The following PDLIM5 variants were observed in gnomAD, a reference collection of about 807,000 sequenced individuals.
PDLIM5 encodes the protein PDZ and LIM domain 5.
In PDLIM5, 34 loss-of-function variants were observed where a neutral mutation model predicts 64.2. The ratio of observed to expected loss-of-function variants is 0.53; its 90% CI spans 0.40 to 0.71. PDLIM5 has a LOEUF of 0.71. Ranked by LOEUF, PDLIM5 falls within the 30% of genes least tolerant of loss-of-function variation. The pLI is 0.00. For missense variants in PDLIM5, 683 were observed against 733.6 expected (o/e 0.93, Z 0.80); for synonymous variants, 253 against 269.1 (o/e 0.94, Z 0.59).
intron 3 of PDLIM5, among the ~76,000 whole-genome samples, chr4:94,571,049 C>G (rs3805270): frequency 6.6e-6 from 1 of 152,286 alleles, no homozygotes; most frequent in East Asian, 1.9e-4. Flanking sequence ...TTTTAGGAAA[C>G]TACATTAATT....
At chr4:94,633,535 A>AT (rs1367378190) in intron 8 of PDLIM5, among the ~76,000 whole-genome samples, 2 of 151,986 alleles carry the variant, frequency 1.3e-5, no homozygotes, top group African/African-American at 4.8e-5. Flanking sequence ...CTCCTTACTC[A>AT]TTTTTTGCCC....
At chr4:94,582,853 TA>T in intron 5 of PDLIM5, 1 of 677,810 alleles carries the variant, frequency 1.5e-6, no homozygotes. Flanking sequence ...TCAAAAATGT[TA>T]AGGAGCATAA....
chr4:94,536,806 A>G (rs1255320866), intron 3 of PDLIM5, among the ~76,000 whole-genome samples: 2 of 152,200 alleles, frequency 1.3e-5, no homozygotes, highest in African/African-American at 4.8e-5. Flanking sequence ...TTTTGAAAGG[A>G]TTGAAATTCA....
intron 5 of PDLIM5, among the ~76,000 whole-genome samples, chr4:94,578,209 C>T (rs1044774869): frequency 1.2e-4 from 18 of 152,084 alleles, no homozygotes; most frequent in Non-Finnish European, 2.9e-5. Flanking sequence ...TCTGAAAATA[C>T]CAAGCTTAAG....
At chr4:94,565,875 A>G (rs1410581523) in intron 3 of PDLIM5, among the ~76,000 whole-genome samples, 1 of 152,204 alleles carries the variant, frequency 6.6e-6, no homozygotes, top group Non-Finnish European at 1.5e-5. Context: ...CACTCTATAG[A>G]TAGGCAGATA....
chr4:94,592,419 A>G (rs1201744440), intron 7 of PDLIM5, among the ~76,000 whole-genome samples: 3 of 152,328 alleles, frequency 2.0e-5, no homozygotes, highest in East Asian at 3.9e-4. Context: ...GTTTACTTCT[A>G]GTTCTCTCCT....
chr4:94,662,424 T>A lies in PDLIM5; in HGVS notation c.1588T>A (p.Tyr530Asn). 7.0e-7 allele frequency: 1 copy of A among 1,431,352 alleles called. No individual in the cohort carries two copies. Among genetic ancestry groups the A allele is most frequent in the Non-Finnish European group, 9.9e-7 (1 of 1,013,654 alleles). The allele number at this position is 1,431,352 out of a possible 1,614,324, so 88.7% of individuals were successfully genotyped here. A position where few individuals can be genotyped will look rare whatever the true frequency, so the allele number is the denominator to read the frequency against. ...EDGEPYCETD[Y>N]YALFGTICHG... The stretch of plus-strand genomic sequence containing the variant: ...CTCTCTGCCCTCCCTTAATACAGAT[T>A]ATTATGCCCTCTTTGGTACTATATG... The change falls in exon 12 of 13, where the codon TAT (tyrosine) becomes AAT (asparagine). Residue 530 changes from tyrosine (Y) to asparagine (N), a missense_variant and splice_region_variant. Transcript: ENST00000317968.
Position 94,523,801 on chromosome 4 carries a change from A to T in PDLIM5, c.174A>T (p.Ala58=), listed in dbSNP as rs368230269. The T allele has an allele frequency of 8.7e-6, 14 of 1,609,976 alleles. No individual in the cohort carries two copies. Among genetic ancestry groups the T allele is most frequent in the African/African-American group, 2.7e-5 (2 of 74,846 alleles). The change falls in exon 3 of 13, where the codon GCA becomes GCT. Residue 58 remains alanine (A), a synonymous_variant. Transcript: ENST00000317968. The part of the protein sequence containing the change: ...DVVLSIDGIN[A]QGMTHLEAQN... ...TTCTCAGCATTGATGGAATAAATGC[A>T]CAAGGAATGACTCATCTTGAAGCCC...
At chr4:94,514,386 G>C (rs888431677) in intron 2 of PDLIM5, among the ~76,000 whole-genome samples, 44 of 151,842 alleles carry the variant, frequency 2.9e-4, no homozygotes, top group Admixed American at 2.6e-3. Context: ...TGCCCACCTT[G>C]GCCTCCCAAA....
rs534108031 is a variant in PDLIM5, at chr4:94,588,504, G to A, written c.920+2060G>A. Among the ~76,000 whole-genome samples the A allele has an allele frequency of 2.2e-3, 337 of 151,904 alleles. 1 individual carries two copies. The highest frequency in any genetic ancestry group is 7.2e-3 in the African/African-American group (298 of 41,410). ...CTTGAACCCGGGAGGCGAAGGTTGCGGTGAGCCGAGATTGCACCATTGCAT... is the reference window on the plus strand; with the variant it reads ...CTTGAACCCGGGAGGCGAAGGTTGCAGTGAGCCGAGATTGCACCATTGCAT... On this transcript the variant is annotated intron_variant, in intron 7 of 12. Coordinates refer to ENST00000317968, the MANE Select transcript of PDLIM5 (RefSeq NM_006457.5).
At chr4:94,634,234 G>A (rs1322574388) in intron 8 of PDLIM5, among the ~76,000 whole-genome samples, 2 of 152,122 alleles carry the variant, frequency 1.3e-5, no homozygotes, top group African/African-American at 4.8e-5. Context: ...TAGAAGCAAG[G>A]AGATCTACAG....
chr4:94,629,545 T>C (rs2110429489), intron 8 of PDLIM5, among the ~76,000 whole-genome samples: 1 of 152,294 alleles, frequency 6.6e-6, no homozygotes, highest in South Asian at 2.1e-4. Flanking sequence ...ATTTTGGTTA[T>C]GTGTGATATA....
At chr4:94,568,505 A>G (rs1734530456) in intron 3 of PDLIM5, among the ~76,000 whole-genome samples, 1 of 152,070 alleles carries the variant, frequency 6.6e-6, no homozygotes, top group Admixed American at 6.5e-5. Context: ...GAATACATCT[A>G]AAATTATGTA....
chr4:94,476,617 A>T (rs1725346974), intron 2 of PDLIM5, among the ~76,000 whole-genome samples: 1 of 152,096 alleles, frequency 6.6e-6, no homozygotes, highest in Non-Finnish European at 1.5e-5. Flanking sequence ...GAGTATAGAA[A>T]GCCCTTTATC....
At chr4:94,585,172 C>G (rs978607244) in intron 5 of PDLIM5, among the ~76,000 whole-genome samples, 32 of 152,102 alleles carry the variant, frequency 2.1e-4, no homozygotes, top group African/African-American at 7.5e-4. Flanking sequence ...CTCACTGCAA[C>G]CTCCACATCC....
At chr4:94,536,173 G>A (rs1310389280) in intron 3 of PDLIM5, among the ~76,000 whole-genome samples, 1 of 152,062 alleles carries the variant, frequency 6.6e-6, no homozygotes, top group Non-Finnish European at 1.5e-5. Context: ...AGACAGGGAA[G>A]CAGAGACACT....
In PDLIM5 at chr4:94,575,761, C is replaced by T. The variant is rs1240536103; in HGVS notation, c.437C>T (p.Pro146Leu). Residue 146 changes from proline (P) to leucine (L), a missense_variant, in exon 5 of 13, where the codon CCA becomes CTA. By Grantham distance (98) the Pro-to-Leu change is moderately conservative. Transcript: ENST00000317968. Reference protein sequence around the residue: ...SSPKVTSIPSPSSAFTPAHAT... With the variant: ...SSPKVTSIPSLSSAFTPAHAT... ...CCAAAAGTCACATCCATCCCATCACCATCGTCTGCCTTCACCCCAGCCCAT... is the reference window on the plus strand; with the variant it reads ...CCAAAAGTCACATCCATCCCATCACTATCGTCTGCCTTCACCCCAGCCCAT... 1.2e-6 allele frequency: 2 copies of T among 1,614,114 alleles called. No individual in the cohort carries two copies. The highest frequency in any genetic ancestry group is 1.7e-6 in the Non-Finnish European group (2 of 1,180,006).
intron 2 of PDLIM5, among the ~76,000 whole-genome samples, chr4:94,489,879 A>G (rs562721805): frequency 6.6e-6 from 1 of 152,148 alleles, no homozygotes; most frequent in African/African-American, 2.4e-5. Flanking sequence ...ATATGCTCCA[A>G]CTTCCCCCAC....
At chr4:94,599,334 G>A (rs1012712617) in intron 7 of PDLIM5, among the ~76,000 whole-genome samples, 2 of 152,014 alleles carry the variant, frequency 1.3e-5, no homozygotes, top group Admixed American at 6.6e-5. Context: ...GAGGTGGAGG[G>A]TAATGGAGAG....
Sources: gnomAD v4.1 joint callset for allele counts (sites outside exome capture counted in the v4.1 genomes callset) on GRCh38, gnomAD v4.1.1 for gene constraint, MANE v1.5 for transcripts, NCBI Gene and HGNC (gene_info 2026-07-23, HGNC 2026-07-21) for gene names.